The following BMPER variants were observed in gnomAD, a reference collection of about 807,000 sequenced individuals.
The protein encoded by BMPER is BMP-binding endothelial regulator protein.
BMPER carries 45 observed loss-of-function variants against 87.3 expected under a neutral mutation model. That is an observed-to-expected ratio of 0.52 (90% confidence interval 0.41 to 0.66). BMPER has a LOEUF of 0.66. BMPER is among the 30% of genes least tolerant of loss of function. BMPER has a pLI of 0.00. For synonymous variants in BMPER, 326 were observed against 316.2 expected (o/e 1.03, Z -0.33); for missense variants, 784 against 867.5 (o/e 0.90, Z 1.21).
intron 6 of BMPER, among the ~76,000 whole-genome samples, chr7:33,988,782 C>T (rs1285597674): frequency 1.8e-5 from 2 of 109,632 alleles, no homozygotes; most frequent in African/African-American, 3.6e-5. Context: ...CACCCCACAA[C>T]AGTCCCCAGA....
At chr7:34,147,172 A>G (rs1791050431) in intron 14 of BMPER, among the ~76,000 whole-genome samples, 1 of 152,226 alleles carries the variant, frequency 6.6e-6, no homozygotes, top group African/African-American at 2.4e-5. Flanking sequence ...TGCAAACCCC[A>G]GATGGTTCTA....
chr7:33,932,051 G>A (rs1784492791), intron 2 of BMPER, among the ~76,000 whole-genome samples: 1 of 152,154 alleles, frequency 6.6e-6, no homozygotes, highest in Non-Finnish European at 1.5e-5. Flanking sequence ...CCGCAGCACT[G>A]AGTATAGTGA....
chr7:34,068,758 G>A (rs1464033413), intron 11 of BMPER, among the ~76,000 whole-genome samples: 6 of 152,186 alleles, frequency 3.9e-5, no homozygotes, highest in Non-Finnish European at 8.8e-5. Flanking sequence ...GGTAAGAGCA[G>A]AGTTGCCCTG....
At chr7:33,952,930 C>T (rs1464009696) in intron 3 of BMPER, among the ~76,000 whole-genome samples, 3 of 152,150 alleles carry the variant, frequency 2.0e-5, no homozygotes, top group Non-Finnish European at 2.9e-5. Context: ...TGTTCATGAA[C>T]TTGAGTGCCT....
intron 11 of BMPER, among the ~76,000 whole-genome samples, chr7:34,067,477 C>T (rs1788623704): frequency 6.6e-6 from 1 of 152,118 alleles, no homozygotes; most frequent in African/African-American, 2.4e-5. Context: ...ATTAGTGATT[C>T]TGTGTTTGAG....
At chr7:34,050,336 C>G (rs1788115620) in intron 7 of BMPER, among the ~76,000 whole-genome samples, 1 of 152,040 alleles carries the variant, frequency 6.6e-6, no homozygotes, top group African/African-American at 2.4e-5. Context: ...AAATCATACT[C>G]AGTGGTCACG....
intron 6 of BMPER, among the ~76,000 whole-genome samples, chr7:34,017,150 G>A (rs1377344544): frequency 1.3e-5 from 2 of 151,882 alleles, no homozygotes; most frequent in Non-Finnish European, 2.9e-5. Context: ...GACGAAGACT[G>A]ATCATCTGAA....
chr7:33,932,015 C>T (rs1397425970), intron 2 of BMPER, among the ~76,000 whole-genome samples: 2 of 152,134 alleles, frequency 1.3e-5, no homozygotes, highest in East Asian at 3.8e-4. Context: ...GACTAGGAAC[C>T]TTGCTGTATG....
intron 3 of BMPER, among the ~76,000 whole-genome samples, chr7:33,954,446 G>T (rs1785101275): frequency 6.6e-6 from 1 of 152,130 alleles, no homozygotes; most frequent in Non-Finnish European, 1.5e-5. Context: ...TGTTTTTGTT[G>T]ATATCACATT....
Position 33,906,906 on chromosome 7 carries a change from A to G in BMPER, c.219+3A>G. On this transcript the variant is annotated splice_donor_region_variant and intron_variant, in intron 2 of 14. Transcript: ENST00000649409. ...CTTGCATAATGTGTGTCTGCTTGGT[A>G]AGTGTGGAGATCAGGTAATATGAAC... 1 of 1,609,442 alleles carries G rather than the reference A, an allele frequency of 6.2e-7. No individual in the cohort carries two copies. The highest frequency in any genetic ancestry group is 1.1e-5 in the South Asian group (1 of 90,962).
At chr7:33,957,264 A>G (rs188566818) in intron 3 of BMPER, among the ~76,000 whole-genome samples, 37 of 151,902 alleles carry the variant, frequency 2.4e-4, no homozygotes, top group Middle Eastern at 3.4e-3. Flanking sequence ...TGATATGGAT[A>G]CTCAGCAATA....
intron 10 of BMPER, among the ~76,000 whole-genome samples, chr7:34,061,244 T>A (rs1005581742): frequency 1.3e-5 from 2 of 152,230 alleles, no homozygotes; most frequent in Non-Finnish European, 2.9e-5. Context: ...TCTCTTTGAT[T>A]AACCACTGAG....
At chr7:34,054,503 G>A (rs534226512) in intron 8 of BMPER, among the ~76,000 whole-genome samples, 1 of 152,308 alleles carries the variant, frequency 6.6e-6, no homozygotes, top group East Asian at 1.9e-4. Context: ...ATAGGCAGAA[G>A]AGCACTTTTT....
At position 33,946,481 on chromosome 7, in the gene BMPER, C is replaced by T. The variant is rs184484210; in HGVS notation, c.319+9093C>T. On this transcript the variant is annotated intron_variant, in intron 3 of 14. Coordinates refer to ENST00000649409, the MANE Select transcript of BMPER (RefSeq NM_001365308.1). Reference sequence around the variant, plus strand: ...AAAGGGCTGCTCTGCACAAGGCTCCCGGGTGAAGGTTCTGGCACACACAAA... The same window carrying T: ...AAAGGGCTGCTCTGCACAAGGCTCCTGGGTGAAGGTTCTGGCACACACAAA... 7.2e-5 allele frequency among the ~76,000 whole-genome samples: 11 copies of T among 152,268 alleles called. No homozygotes were observed. In the East Asian group the frequency reaches 7.7e-4, roughly 11 times the overall value.
intron 13 of BMPER, among the ~76,000 whole-genome samples, chr7:34,140,112 C>T (rs1042489285): frequency 3.9e-5 from 6 of 152,164 alleles, no homozygotes; most frequent in African/African-American, 1.4e-4. Flanking sequence ...CTGTGATCAG[C>T]CCTGTGACAT....
At position 34,104,053 on chromosome 7, in the gene BMPER, A is replaced by G. The variant is rs1347966999; in HGVS notation, c.1745+17961A>G. Among the ~76,000 whole-genome samples the G allele has an allele frequency of 8.5e-5, 13 of 152,158 alleles. No individual in the cohort carries two copies. In the South Asian group the frequency reaches 1.5e-3, roughly 17 times the overall value. The stretch of plus-strand genomic sequence containing the variant: ...ACTCCATCCAGTCTAGCAATCCCCA[A>G]ATGCACTTGGTGCTTTCCACTGGAC... On this transcript the variant is annotated intron_variant, in intron 13 of 14. Transcript: ENST00000649409.
intron 13 of BMPER, among the ~76,000 whole-genome samples, chr7:34,125,997 AACAAACACAGTCCTTCATGGCAGC>A (rs1790392568): frequency 6.6e-6 from 1 of 152,214 alleles, no homozygotes; most frequent in African/African-American, 2.4e-5. Flanking sequence ...CAGGAAATTA[AACAAACACAGTCCTTCATGGCAGC>A]ACTTACATTC....
At chr7:33,989,665 G>C (rs1471505483) in intron 6 of BMPER, among the ~76,000 whole-genome samples, 1 of 152,122 alleles carries the variant, frequency 6.6e-6, no homozygotes, top group Non-Finnish European at 1.5e-5. Context: ...ATTGCTTTTG[G>C]TGTTTTGGAC....
intron 2 of BMPER, among the ~76,000 whole-genome samples, chr7:33,910,740 T>C (rs1863762): frequency 0.71 from 107,888 of 152,148 alleles, 39,278 homozygotes; most frequent in African/African-American, 0.88. Flanking sequence ...TTGGAGCCAA[T>C]CAAATAGTGA....
Sources: allele counts gnomAD v4.1 joint callset (sites outside exome capture counted in the v4.1 genomes callset), GRCh38; gene constraint gnomAD v4.1.1; transcripts MANE v1.5; gene names NCBI Gene and HGNC (gene_info 2026-07-23, HGNC 2026-07-21).